The following BCL2 variants were observed in gnomAD, a reference collection of about 807,000 sequenced individuals.
BCL2 encodes the protein apoptosis regulator Bcl-2.
BCL2 carries 1 observed loss-of-function variant against 14.2 expected under a neutral mutation model. The observed-to-expected ratio is 0.07, with a 90% CI of 0.02 to 0.33. The LOEUF is 0.33. BCL2 is among the 10% of genes least tolerant of loss of function. BCL2 has a pLI of 0.99. For missense variants in BCL2, 247 were observed against 305.9 expected (o/e 0.81, Z 1.44); for synonymous variants, 151 against 137.2 (o/e 1.10, Z -0.70).
intron 2 of BCL2, among the ~76,000 whole-genome samples, chr18:63,275,211 G>T (rs1450551681): frequency 6.6e-6 from 1 of 151,156 alleles, no homozygotes; most frequent in Non-Finnish European, 1.5e-5. Flanking sequence ...CTCCAGCCTG[G>T]GTGACAGAGT....
intron 2 of BCL2, among the ~76,000 whole-genome samples, chr18:63,241,902 G>A (rs576409871): frequency 2.0e-5 from 3 of 152,202 alleles, no homozygotes; most frequent in East Asian, 1.9e-4. Flanking sequence ...AATTGTGGCC[G>A]ACACTAATAG....
At position 63,263,182 on chromosome 18, in the gene BCL2, C is replaced by T. The variant is rs1390863693; in HGVS notation, c.585+54900G>A. Among the ~76,000 whole-genome samples, 4 of 151,988 alleles carry T rather than the reference C, an allele frequency of 2.6e-5. No homozygotes were observed. In the South Asian group the frequency reaches 6.2e-4, roughly 24 times the overall value. ...ACATGTGGAATAGGTATTGGGTGTG[C>T]GGGGGGTGCAGTGCAGAATGAAGGC... is the stretch of plus-strand genomic sequence containing the variant. On this transcript the variant is annotated intron_variant, in intron 2 of 2. Coordinates refer to ENST00000333681, the MANE Select transcript of BCL2 (RefSeq NM_000633.3).
chr18:63,155,650 G>A (rs1317783046), intron 2 of BCL2, among the ~76,000 whole-genome samples: 2 of 152,212 alleles, frequency 1.3e-5, no homozygotes, highest in Non-Finnish European at 2.9e-5. Flanking sequence ...GGACGTTAGA[G>A]CGAGCAGGTG....
At position 63,318,520 on chromosome 18, in the gene BCL2, G is replaced by C; in HGVS notation, c.147C>G (p.Phe49Leu). The change falls in exon 2 of 3, where the codon TTC becomes TTG. Residue 49 changes from phenylalanine to leucine, a missense_variant. By Grantham distance (22) the Phe-to-Leu change is conservative. Coordinates refer to ENST00000333681, the MANE Select transcript of BCL2 (RefSeq NM_000633.3). The surrounding 1 kb of genome is among the most constrained non-coding windows in gnomAD (Gnocchi z 7.4). ...PPGAAPAPGI[F>L]SSQPGHTPHP... is the part of the protein sequence containing the mutation. ...GGGGCGTGTGCCCGGGCTGGGAGGA[G>C]AAGATGCCCGGTGCGGGGGCGGCCC... The C allele has an allele frequency of 6.4e-7, 1 of 1,571,424 alleles. No individual in the cohort carries two copies. The highest frequency in any genetic ancestry group is 8.6e-7 in the Non-Finnish European group (1 of 1,164,718).
At chr18:63,248,283 A>G (rs1275194760) in intron 2 of BCL2, among the ~76,000 whole-genome samples, 1 of 152,252 alleles carries the variant, frequency 6.6e-6, no homozygotes, top group Non-Finnish European at 1.5e-5. Flanking sequence ...AAAATCTGCC[A>G]TCAGGCCTCT....
At chr18:63,162,264 A>T (rs1476054956) in intron 2 of BCL2, among the ~76,000 whole-genome samples, 1 of 152,164 alleles carries the variant, frequency 6.6e-6, no homozygotes, top group Non-Finnish European at 1.5e-5. Flanking sequence ...ACCCATATAA[A>T]CAAAAAACTG....
intron 2 of BCL2, among the ~76,000 whole-genome samples, chr18:63,200,155 C>T (rs537860195): frequency 9.2e-5 from 14 of 152,332 alleles, no homozygotes; most frequent in African/African-American, 3.4e-4. Flanking sequence ...CAAACCTCGC[C>T]TCCCTCAGTT....
intron 2 of BCL2, among the ~76,000 whole-genome samples, chr18:63,163,873 A>G (rs1914980940): frequency 6.6e-6 from 1 of 152,246 alleles, no homozygotes; most frequent in Non-Finnish European, 1.5e-5. Context: ...GCAATCTGGC[A>G]ATCAGACTCT....
chr18:63,181,142 A>G (rs550014979), intron 2 of BCL2, among the ~76,000 whole-genome samples: 2 of 152,352 alleles, frequency 1.3e-5, no homozygotes, highest in East Asian at 3.9e-4. Flanking sequence ...GAAATGAAAA[A>G]GCGTTTTCTC....
At chr18:63,270,085 A>G (rs1267372647) in intron 2 of BCL2, among the ~76,000 whole-genome samples, 1 of 152,230 alleles carries the variant, frequency 6.6e-6, no homozygotes, top group Non-Finnish European at 1.5e-5. Flanking sequence ...AGCTGGGATC[A>G]TTATTTCACC....
At chr18:63,257,634 C>T (rs1296724754) in intron 2 of BCL2, among the ~76,000 whole-genome samples, 3 of 152,196 alleles carry the variant, frequency 2.0e-5, no homozygotes, top group Admixed American at 6.5e-5. Context: ...GAAAAGAACA[C>T]GGATGGCATC....
chr18:63,141,318 G>A (rs1168553577), intron 2 of BCL2, among the ~76,000 whole-genome samples: 1 of 152,162 alleles, frequency 6.6e-6, no homozygotes, highest in Non-Finnish European at 1.5e-5. Context: ...CTTCCTCTCT[G>A]TGTGGTCCAT....
At chr18:63,132,482 G>A (rs1042171258) in intron 2 of BCL2, among the ~76,000 whole-genome samples, 1 of 152,168 alleles carries the variant, frequency 6.6e-6, no homozygotes, top group African/African-American at 2.4e-5. Context: ...TAGGAATTAT[G>A]AATTAAAATG....
rs918439211 is a variant in BCL2, at chr18:63,297,606, T to C, written c.585+20476A>G. Among the ~76,000 whole-genome samples the C allele has an allele frequency of 5.9e-5, 9 of 152,188 alleles. No individual in the cohort carries two copies. In the East Asian group the frequency reaches 1.7e-3, roughly 29 times the overall value. On this transcript the variant is annotated intron_variant, in intron 2 of 2. Transcript: ENST00000333681. ...TTAGTGACTAAATGCCCAATCAAGA[T>C]GTGTAGGATGAGTAAATGTTTGGAT... is the stretch of plus-strand genomic sequence containing the variant.
chr18:63,128,492 T>TGA lies in BCL2; in HGVS notation c.*131_*132dup. 1 of 614,518 alleles carries TGA rather than the reference T, an allele frequency of 1.6e-6. No individual in the cohort carries two copies. Among genetic ancestry groups the TGA allele is most frequent in the Non-Finnish European group, 3.0e-6 (1 of 332,502 alleles). 38.1% of individuals were successfully genotyped at this position (614,518 alleles called of 1,614,324 possible). On this transcript the variant is annotated 3_prime_UTR_variant, in exon 3 of 3. Transcript: ENST00000333681. ...GTGTGTGTGTGTCTGTCTGTGTGTG[T>TGA]GATGTTTATATGTGTGTTATTTTTT... is the stretch of plus-strand genomic sequence containing the variant.
At position 63,246,751 on chromosome 18, in the gene BCL2, C is replaced by G. The variant is rs144415331; in HGVS notation, c.585+71331G>C. ...TTATTTTTCGGTTTTACTTATTGCCCATGTGGCACCATGAGAATTGTGTCC... is the reference window on the plus strand; with the variant it reads ...TTATTTTTCGGTTTTACTTATTGCCGATGTGGCACCATGAGAATTGTGTCC... On this transcript the variant is annotated intron_variant, in intron 2 of 2. Transcript: ENST00000333681. Among the ~76,000 whole-genome samples the G allele has an allele frequency of 1.5e-4, 23 of 152,274 alleles. No individual in the cohort carries two copies. In the East Asian group the frequency reaches 4.4e-3, roughly 29 times the overall value.
At chr18:63,292,478 C>T (rs1365719689) in intron 2 of BCL2, among the ~76,000 whole-genome samples, 1 of 152,128 alleles carries the variant, frequency 6.6e-6, no homozygotes, top group Admixed American at 6.5e-5. Flanking sequence ...ATTGTGGTTC[C>T]AGACTTTATA....
At chr18:63,271,532 T>G (rs1352977754) in intron 2 of BCL2, among the ~76,000 whole-genome samples, 1 of 152,222 alleles carries the variant, frequency 6.6e-6, no homozygotes, top group African/African-American at 2.4e-5. Flanking sequence ...AAAGGATGGA[T>G]GAACTCGCCG....
At chr18:63,138,236 C>T (rs930503320) in intron 2 of BCL2, among the ~76,000 whole-genome samples, 6 of 152,194 alleles carry the variant, frequency 3.9e-5, no homozygotes, top group East Asian at 1.9e-4. Context: ...GCAGAGCACA[C>T]GCAAGGAAGT....
Sources: allele counts gnomAD v4.1 joint callset (sites outside exome capture counted in the v4.1 genomes callset), GRCh38; gene constraint gnomAD v4.1.1; non-coding constraint Gnocchi (gnomAD v3.1); transcripts MANE v1.5; gene names NCBI Gene and HGNC (gene_info 2026-07-23, HGNC 2026-07-21).